TTLL10: variants seen among roughly 807,000 people sequenced by gnomAD.
The protein encoded by TTLL10 is tubulin tyrosine ligase like 10.
TTLL10 carries 61 observed loss-of-function variants against 69.0 expected under a neutral mutation model. The ratio of observed to expected loss-of-function variants is 0.88; its 90% CI spans 0.72 to 1.09. TTLL10 has a LOEUF of 1.09. Among genes scored for constraint, TTLL10 ranks in the 50% least tolerant of loss-of-function variants. TTLL10 has a pLI of 0.00. For synonymous variants in TTLL10, 408 were observed against 393.3 expected, an observed-to-expected ratio of 1.04 and a Z score of -0.44; for missense variants, 962 against 945.9, an observed-to-expected ratio of 1.02 and a Z score of -0.22.
intron 14 of TTLL10, 78 bp from the exon 15 acceptor site, chr1:1,197,015 G>C (rs917744236): frequency 7.4e-7 from 1 of 1,352,644 alleles, no homozygotes. Flanking sequence ...CCATCTGTCT[G>C]AATGAGGACC....
chr1:1,179,038 G>A (rs1178462754), intron 3 of TTLL10, among the ~76,000 whole-genome samples, 151 bp from the exon 4 acceptor site: 1 of 152,240 alleles, frequency 6.6e-6, no homozygotes, highest in Non-Finnish European at 1.5e-5. Context: ...ACAGAGACGG[G>A]AGCCAGCCGC....
Position 1,180,879 on chromosome 1 carries a change from CT to C in TTLL10, c.755+20del, listed in dbSNP as rs1647038600. On this transcript the variant is annotated intron_variant, in intron 8 of 15. Coordinates refer to ENST00000379289, the MANE Select transcript of TTLL10 (RefSeq NM_001130045.2). ...AGGCCAGGTGAGTCTGCCCCTGCCC[CT>C]GCCCCCGTCCCTGCGCCCGCCCCTA... The C allele has an allele frequency of 1.3e-6, 2 of 1,543,550 alleles. No individual in the cohort carries two copies. Among genetic ancestry groups the C allele is most frequent in the Admixed American group, 3.9e-5 (2 of 51,064 alleles).
intron 13 of TTLL10, among the ~76,000 whole-genome samples, chr1:1,195,500 C>CTTTTTTATTTTTTTTTTTTTT (rs1648133590): frequency 1.0e-5 from 1 of 98,808 alleles, no homozygotes; most frequent in Admixed American, 1.3e-4. Flanking sequence ...CATCGTCATA[C>CTTTTTTATTTTTTTTTTTTTT]TTTTTTTTTT....
intron 4 of TTLL10, 137 bp downstream of exon 4, chr1:1,179,470 C>A: frequency 8.0e-7 from 1 of 1,250,514 alleles, no homozygotes; most frequent in East Asian, 2.5e-5. Flanking sequence ...CCCCGCTGCT[C>A]CGAGAGAGGG....
intron 13 of TTLL10, chr1:1,196,342 G>A (rs1216075768): frequency 2.1e-6 from 1 of 482,862 alleles, no homozygotes; most frequent in Non-Finnish European, 3.8e-6. Context: ...TTCTGCTCAA[G>A]GGCAGAGATT....
rs1268429188 is a variant in TTLL10 at position 1,180,433 on chromosome 1, C to T, written c.507-50C>T. The stretch of plus-strand genomic sequence containing the variant: ...GGCCTCCGCTGGCCGCCCGCCATCC[C>T]CAACCCCTTGCCTCGGCCCCCAGGT... On this transcript the variant is annotated intron_variant, in intron 6 of 15. Transcript: ENST00000379289. 4 of 1,530,662 alleles carry T rather than the reference C, an allele frequency of 2.6e-6. No homozygotes were observed. In the East Asian group the frequency reaches 7.4e-5, roughly 28 times the overall value. 94.8% of individuals were successfully genotyped at this position (1,530,662 alleles called of 1,614,324 possible). A position where few individuals can be genotyped will look rare whatever the true frequency, so the allele number is the denominator to read the frequency against.
chr1:1,180,929 G>C, intron 8 of TTLL10, 69 bp downstream of exon 8: 1 of 1,258,702 alleles, frequency 7.9e-7, no homozygotes, highest in Non-Finnish European at 1.0e-6. Flanking sequence ...CCCTGCCCCT[G>C]CACCCGCCCC....
chr1:1,182,647 C>T (rs1200928305), intron 10 of TTLL10, among the ~76,000 whole-genome samples: 2 of 151,398 alleles, frequency 1.3e-5, no homozygotes, highest in African/African-American at 2.4e-5. Context: ...GTCTGGCCTT[C>T]GTGGAGGTTG....
intron 13 of TTLL10, among the ~76,000 whole-genome samples, chr1:1,192,122 T>C (rs1218213668): frequency 6.6e-6 from 1 of 152,260 alleles, no homozygotes; most frequent in Non-Finnish European, 1.5e-5. Flanking sequence ...CTGTTAGGTC[T>C]GTTTGGTTTA....
At position 1,182,898 on chromosome 1, in the gene TTLL10, G is replaced by A. The variant is rs375676753; in HGVS notation, c.939G>A (p.Lys313=). 6.9e-6 allele frequency: 11 copies of A among 1,590,872 alleles called. No individual in the cohort carries two copies. The highest frequency in any genetic ancestry group is 8.6e-6 in the Non-Finnish European group (10 of 1,168,616). ...LFDETQIWIC[K]PTASNQGKGI... is the part of the protein sequence containing the mutation. Reference sequence around the variant, plus strand: ...CAGAAACCCAGATATGGATCTGCAAGCCCACAGCCTCCAACCAGGGCAAAG... The same window carrying A: ...CAGAAACCCAGATATGGATCTGCAAACCCACAGCCTCCAACCAGGGCAAAG... Residue 313 remains lysine (K), a synonymous_variant, in exon 11 of 16, where the codon AAG becomes AAA. Coordinates refer to ENST00000379289, the MANE Select transcript of TTLL10 (RefSeq NM_001130045.2).
At position 1,185,350 on chromosome 1, in the gene TTLL10, C is replaced by G. The variant is rs935973794; in HGVS notation, c.1401+241C>G. 43 of 1,361,070 alleles carry G rather than the reference C, an allele frequency of 3.2e-5. No homozygotes were observed. In the African/African-American group the frequency reaches 6.1e-4, roughly 19 times the overall value. The allele number at this position is 1,361,070 out of a possible 1,614,324, so 84.3% of individuals were successfully genotyped here. ...CAGTCGGGGGTCTGTCGGCACGAGT[C>G]CCGCGGGCAGCCTCGCCGTAGGGTC... On this transcript the variant is annotated intron_variant, in intron 13 of 15. Coordinates refer to ENST00000379289, the MANE Select transcript of TTLL10 (RefSeq NM_001130045.2). This position sits in a 1 kb window ranked among gnomAD's most constrained non-coding sequence, Gnocchi z 6.1.
At chr1:1,189,125 A>T (rs531335741) in intron 13 of TTLL10, among the ~76,000 whole-genome samples, 1 of 152,260 alleles carries the variant, frequency 6.6e-6, no homozygotes, top group East Asian at 1.9e-4. Context: ...TTTCAAATTT[A>T]TATGCATTTT....
chr1:1,179,196 G>T lies in TTLL10; in HGVS notation c.-20G>T, dbSNP rs566843710. ...GCGGCATCTTCCCTTCAGGGCCCTC[G>T]CCCGGGCACCCCCCGGCCAATGGAC... On this transcript the variant is annotated 5_prime_UTR_variant, in exon 4 of 16. Transcript: ENST00000379289. The T allele has an allele frequency of 5.3e-6, 8 of 1,522,830 alleles. No individual in the cohort carries two copies. Among genetic ancestry groups the T allele is most frequent in the South Asian group, 3.8e-5 (3 of 79,556 alleles). 94.3% of individuals were successfully genotyped at this position (1,522,830 alleles called of 1,614,324 possible). A position where few individuals can be genotyped will look rare whatever the true frequency, so the allele number is the denominator to read the frequency against.
Position 1,197,784 on chromosome 1 carries a change from G to C in TTLL10, c.1959G>C (p.Ala653=), listed in dbSNP as rs780240475. 6.5e-7 allele frequency: 1 copy of C among 1,530,350 alleles called. No homozygotes were observed. 94.8% of individuals were successfully genotyped at this position (1,530,350 alleles called of 1,614,324 possible). Residue 653 remains alanine, a synonymous_variant, in exon 16 of 16, where the codon GCG becomes GCC. Transcript: ENST00000379289. The part of the protein sequence containing the change: ...EQSGTGNRHP[A]QEPSPGTAKE... ...CGGGCACAGGCAACAGGCACCCGGC[G>C]CAAGAGCCTTCCCCGGGGACAGCCA...
intron 4 of TTLL10, 97 bp from the exon 5 acceptor site, chr1:1,179,560 C>A (rs925157840): frequency 8.4e-5 from 127 of 1,520,344 alleles, no homozygotes; most frequent in Non-Finnish European, 4.4e-6. Context: ...CTGGCTGGCA[C>A]CACCCCTGGA....
At position 1,197,728 on chromosome 1, in the gene TTLL10, G is replaced by A. The variant is rs1242642231; in HGVS notation, c.1903G>A (p.Gly635Arg). 3.9e-6 allele frequency: 6 copies of A among 1,532,576 alleles called. No homozygotes were observed. The highest frequency in any genetic ancestry group is 4.3e-4 in the Middle Eastern group (2 of 4,698). 94.9% of individuals were successfully genotyped at this position (1,532,576 alleles called of 1,614,324 possible). Residue 635 changes from glycine to arginine, a missense_variant, in exon 16 of 16, where the codon GGG becomes AGG. Gly to Arg is a moderately radical substitution (Grantham distance 125). Transcript: ENST00000379289. ...PGPDLDSAHD[G>R]EPQAPGTEQS... ...CCCCGACCTGGACAGCGCCCACGAT[G>A]GGGAGCCCCAGGCCCCGGGCACGGA...
chr1:1,182,187 G>T (rs948554425), intron 9 of TTLL10, among the ~76,000 whole-genome samples, 174 bp from the exon 10 acceptor site: 5 of 152,220 alleles, frequency 3.3e-5, no homozygotes, highest in South Asian at 2.1e-4. Context: ...CAGCCCGTTG[G>T]GGGGGTGCTG....
At chr1:1,175,342 C>T (rs1448291949) in intron 3 of TTLL10, 4 of 283,430 alleles carry the variant, frequency 1.4e-5, no homozygotes, top group Admixed American at 4.8e-5. Context: ...GCTGTGCTTC[C>T]GCTTTCTAAC....
intron 13 of TTLL10, among the ~76,000 whole-genome samples, chr1:1,191,049 T>C (rs1647738805): frequency 6.6e-6 from 1 of 152,192 alleles, no homozygotes; most frequent in African/African-American, 2.4e-5. Flanking sequence ...AGGCTGGTCT[T>C]GAACTCCTGA....
Sources: gnomAD v4.1 joint callset for allele counts (sites outside exome capture counted in the v4.1 genomes callset) on GRCh38, gnomAD v4.1.1 for gene constraint, Gnocchi (gnomAD v3.1) non-coding constraint, MANE v1.5 for transcripts, NCBI Gene and HGNC (gene_info 2026-07-23, HGNC 2026-07-21) for gene names.